PDE5A: variants seen among roughly 807,000 people sequenced by gnomAD.
PDE5A encodes the protein cGMP-specific 3',5'-cyclic phosphodiesterase.
Under a neutral mutation model 110.2 loss-of-function variants are expected in PDE5A, and 67 were observed. That is an observed-to-expected ratio of 0.61 (90% CI 0.50 to 0.75). PDE5A has a LOEUF of 0.75. Among genes scored for constraint, PDE5A ranks in the 30% least tolerant of loss-of-function variants. The pLI, the probability that PDE5A is intolerant of heterozygous loss-of-function variation, is 0.00. For synonymous variants in PDE5A, 328 were observed against 351.2 expected (o/e 0.93, Z 0.74); for missense variants, 862 against 1,045.1 (o/e 0.82, Z 2.42).
rs201124508 is a variant in PDE5A, at chr4:119,606,812, A to G, written c.638T>C (p.Leu213Pro). The G allele has an allele frequency of 3.7e-5, 59 of 1,614,074 alleles. No individual in the cohort carries two copies. Among genetic ancestry groups the G allele is most frequent in the Non-Finnish European group, 4.9e-5 (58 of 1,180,026 alleles). ...GATACAGTTATTTGAAACTTCTTCC[A>G]GTGTTGAACCTTCAGCAACATCAAA... ...RLFDVAEGST[L>P]EEVSNNCIRL... Residue 213 changes from leucine (L) to proline (P), a missense_variant, in exon 2 of 21, where the codon CTG becomes CCG. Transcript: ENST00000354960.
rs1233644843 is a variant in PDE5A, at chr4:119,494,546, T to C, written c.*4055A>G. 6.6e-6 allele frequency: 1 copy of C among 152,520 alleles called. No individual in the cohort carries two copies. The highest frequency in any genetic ancestry group is 2.4e-5 in the African/African-American group (1 of 41,410). The allele number at this position is 152,520 out of a possible 1,614,324, so 9.4% of individuals were successfully genotyped here. On this transcript the variant is annotated 3_prime_UTR_variant, in exon 21 of 21. Transcript: ENST00000354960. The stretch of plus-strand genomic sequence containing the variant: ...GAGGTAAGTGTTCCTTTAAAGTGAT[T>C]TTGTCATGAAAGAGTCATCTGAAAT...
intron 11 of PDE5A, chr4:119,538,650 C>A: frequency 7.0e-6 from 2 of 287,234 alleles, no homozygotes; most frequent in Non-Finnish European, 1.4e-5. Flanking sequence ...TGTTATTACC[C>A]TAGCCAAACA....
At chr4:119,508,784 A>G (rs914949128) in intron 15 of PDE5A, among the ~76,000 whole-genome samples, 2 of 152,036 alleles carry the variant, frequency 1.3e-5, no homozygotes, top group African/African-American at 4.8e-5. Context: ...TTGGTGCTAT[A>G]TTTTTATTTT....
intron 1 of PDE5A, among the ~76,000 whole-genome samples, chr4:119,609,501 A>G (rs1265361815): frequency 6.6e-6 from 1 of 152,214 alleles, no homozygotes; most frequent in Non-Finnish European, 1.5e-5. Context: ...TAAGTCTTTC[A>G]TTTATGGGAT....
chr4:119,516,641 TAG>T (rs70944888), intron 14 of PDE5A, among the ~76,000 whole-genome samples: 21,797 of 152,028 alleles, frequency 0.14, 1,732 homozygotes, highest in Middle Eastern at 0.2. Flanking sequence ...TTTTTTGAGA[TAG>T]AGTCTCGCTC....
chr4:119,531,278 C>CT (rs1221337868), intron 11 of PDE5A, among the ~76,000 whole-genome samples: 9 of 151,862 alleles, frequency 5.9e-5, no homozygotes, highest in East Asian at 1.9e-4. Flanking sequence ...TGTATAATTT[C>CT]TTTTTTTTCT....
At chr4:119,537,046 A>G (rs890706052) in intron 11 of PDE5A, among the ~76,000 whole-genome samples, 2 of 152,128 alleles carry the variant, frequency 1.3e-5, no homozygotes, top group South Asian at 2.1e-4. Context: ...GGCAAAAGAA[A>G]TGTTGCTCTT....
intron 9 of PDE5A, chr4:119,543,608 C>G (rs1727025302): frequency 1.3e-5 from 2 of 152,200 alleles, no homozygotes; most frequent in African/African-American, 2.4e-5. Flanking sequence ...AGCCACTTAG[C>G]TGGTATGTGT....
At chr4:119,566,482 T>C (rs757294533) in intron 4 of PDE5A, among the ~76,000 whole-genome samples, 1 of 152,178 alleles carries the variant, frequency 6.6e-6, no homozygotes, top group East Asian at 1.9e-4. Context: ...GCTTTTGTCC[T>C]TAAATGGAAA....
At chr4:119,512,127 T>C (rs1052378150) in intron 14 of PDE5A, among the ~76,000 whole-genome samples, 1 of 152,068 alleles carries the variant, frequency 6.6e-6, no homozygotes, top group Admixed American at 6.6e-5. Context: ...TTGTTGAAGA[T>C]AGAGAAGCTA....
chr4:119,525,706 G>GA lies in PDE5A; in HGVS notation c.1633-12dup. 2.6e-6 allele frequency: 4 copies of GA among 1,545,872 alleles called. No homozygotes were observed. In the Admixed American group the frequency reaches 8.1e-5, roughly 31 times the overall value. The stretch of plus-strand genomic sequence containing the variant: ...TGGCACCACAGCAGCCTTGGGTAAG[G>GA]AAAGAAGAAAAAAAAAAATGCTGTT... On this transcript the variant is annotated splice_polypyrimidine_tract_variant and intron_variant, in intron 11 of 20. Transcript: ENST00000354960. This position sits in a 1 kb window ranked among gnomAD's most constrained non-coding sequence, Gnocchi z 4.3.
rs117086328 is a variant in PDE5A at position 119,537,944 on chromosome 4, T to A, written c.1632+1016A>T. Among the ~76,000 whole-genome samples the A allele has an allele frequency of 3.9e-3, 590 of 152,148 alleles. 12 individuals are homozygous for A. In the East Asian group the frequency reaches 0.047, roughly 12 times the overall value. Reference sequence around the variant, plus strand: ...TGCTTGAATCATGTGATTCTTAATATTCATCTTAATATTTCCACTTTTATG... The same window carrying A: ...TGCTTGAATCATGTGATTCTTAATAATCATCTTAATATTTCCACTTTTATG... On this transcript the variant is annotated intron_variant, in intron 11 of 20. Coordinates refer to ENST00000354960, the MANE Select transcript of PDE5A (RefSeq NM_001083.4).
At chr4:119,515,383 G>A (rs1725875153) in intron 14 of PDE5A, among the ~76,000 whole-genome samples, 1 of 152,090 alleles carries the variant, frequency 6.6e-6, no homozygotes, top group South Asian at 2.1e-4. Context: ...ACAGTCATGG[G>A]ATAGAACAAG....
intron 2 of PDE5A, among the ~76,000 whole-genome samples, chr4:119,603,398 A>G (rs961055392): frequency 5.4e-5 from 8 of 147,808 alleles, no homozygotes; most frequent in Admixed American, 6.7e-5. Context: ...ATACATACAT[A>G]CATACATACA....
chr4:119,565,492 T>A (rs1332400424), intron 4 of PDE5A, 82 bp from the exon 5 acceptor site: 1 of 910,478 alleles, frequency 1.1e-6, no homozygotes, highest in Admixed American at 2.1e-5. Context: ...CCTCAAATAT[T>A]TACAGTTAGA....
intron 19 of PDE5A, 51 bp from the exon 20 acceptor site, chr4:119,501,304 G>T (rs748327584): frequency 9.2e-7 from 1 of 1,090,744 alleles, no homozygotes; most frequent in Non-Finnish European, 1.4e-6. Flanking sequence ...TATTTATTTA[G>T]TTAGTTATTA....
At chr4:119,591,310 C>T (rs1431966525) in intron 3 of PDE5A, among the ~76,000 whole-genome samples, 1 of 152,202 alleles carries the variant, frequency 6.6e-6, no homozygotes, top group Non-Finnish European at 1.5e-5. Flanking sequence ...TTAAACCCTT[C>T]ACTCACATGA....
chr4:119,497,175 C>G lies in PDE5A; in HGVS notation c.*1426G>C, dbSNP rs994069187. ...AGTGATAGAAACTCAGATCAAATAT[C>G]TTTTTTGTGGGTTGGAGGTAGAAGT... On this transcript the variant is annotated 3_prime_UTR_variant, in exon 21 of 21. Coordinates refer to ENST00000354960, the MANE Select transcript of PDE5A (RefSeq NM_001083.4). 1 of 152,022 alleles carries G rather than the reference C, an allele frequency of 6.6e-6. No homozygotes were observed. Among genetic ancestry groups the G allele is most frequent in the Admixed American group, 6.6e-5 (1 of 15,250 alleles). The allele number at this position is 152,022 out of a possible 1,614,324, so 9.4% of individuals were successfully genotyped here. A position where few individuals can be genotyped will look rare whatever the true frequency, so the allele number is the denominator to read the frequency against.
chr4:119,599,097 A>G (rs979494593), intron 2 of PDE5A, among the ~76,000 whole-genome samples: 1 of 152,160 alleles, frequency 6.6e-6, no homozygotes, highest in African/African-American at 2.4e-5. Context: ...TATACCATAT[A>G]GTTGGGGGTA....
Sources: gnomAD v4.1 joint callset for allele counts (sites outside exome capture counted in the v4.1 genomes callset) on GRCh38, gnomAD v4.1.1 for gene constraint, Gnocchi (gnomAD v3.1) non-coding constraint, MANE v1.5 for transcripts, NCBI Gene and HGNC (gene_info 2026-07-23, HGNC 2026-07-21) for gene names.